ANKLE1: variants seen among roughly 807,000 people sequenced by gnomAD.
ANKLE1 encodes the protein ankyrin repeat and LEM domain containing 1, also known as structure-specific endonuclease ANKLE1.
ANKLE1 carries 59 observed loss-of-function variants against 56.2 expected under a neutral mutation model. The ratio of observed to expected loss-of-function variants is 1.05; its 90% CI spans 0.85 to 1.30. The LOEUF (loss-of-function observed/expected upper bound fraction) is 1.30. ANKLE1 is among the 50% of genes most tolerant of loss of function. The pLI, the probability that ANKLE1 is intolerant of heterozygous loss-of-function variation, is 0.00. For synonymous variants in ANKLE1, 341 were observed against 352.9 expected (o/e 0.97, Z 0.38); for missense variants, 771 against 816.1 (o/e 0.94, Z 0.67).
intron 8 of ANKLE1, 63 bp downstream of exon 8, chr19:17,285,882 T>C: frequency 1.3e-6 from 2 of 1,590,512 alleles, no homozygotes; most frequent in South Asian, 1.1e-5. Flanking sequence ...AGTTCCCTCA[T>C]TTTTTTCCTT....
intron 6 of ANKLE1, among the ~76,000 whole-genome samples, chr19:17,284,585 T>C (rs1306173884): frequency 2.6e-5 from 4 of 151,802 alleles, no homozygotes; most frequent in African/African-American, 7.3e-5. Flanking sequence ...GGTTTCACCA[T>C]GTTGGCCAGG....
chr19:17,285,725 G>A lies in ANKLE1; in HGVS notation c.1581G>A (p.Trp527Ter). 2 of 1,613,940 alleles carry A rather than the reference G, an allele frequency of 1.2e-6. No individual in the cohort carries two copies. The highest frequency in any genetic ancestry group is 1.7e-6 in the Non-Finnish European group (2 of 1,179,886). The change falls in exon 8 of 9, where the codon TGG becomes TGA. Residue 527 changes from tryptophan to a stop codon, truncating the protein, a stop_gained. Transcript: ENST00000404085. LOFTEE classifies it high-confidence loss of function. ...AGGTGCGTCAGATCTTGGACATCTG[G>A]GCCAGTGGTTGCGGTGTTGTGTCCC... ...CPKVRQILDI[W>*]ASGCGVVSLH...
Position 17,283,062 on chromosome 19 carries a change from G to T in ANKLE1, c.460+60G>T. On this transcript the variant is annotated intron_variant, in intron 4 of 8. Coordinates refer to ENST00000404085, the MANE Select transcript of ANKLE1 (RefSeq NM_152363.6). ...TTCTGGACCAGTCCCTGACATCCAGGGTCTTCCCCACCCCACCCATTGGTT... is the reference window on the plus strand; with the variant it reads ...TTCTGGACCAGTCCCTGACATCCAGTGTCTTCCCCACCCCACCCATTGGTT... 2.0e-6 allele frequency: 3 copies of T among 1,537,214 alleles called. No individual in the cohort carries two copies. The South Asian group carries it at 3.6e-5, about 18-fold the overall frequency.
Position 17,283,211 on chromosome 19 carries a change from A to G in ANKLE1, c.461-14A>G, listed in dbSNP as rs775221907. On this transcript the variant is annotated splice_polypyrimidine_tract_variant and intron_variant, in intron 4 of 8. Transcript: ENST00000404085. ...CCTCCTCCTCTCCTCTCTGGCCCCC[A>G]CTCTCACCTGCAGCCCCAGGCCTCT... is the stretch of plus-strand genomic sequence containing the variant. 3.6e-5 allele frequency: 57 copies of G among 1,595,088 alleles called. No homozygotes were observed. The Admixed American group carries it at 9.7e-4, about 27-fold the overall frequency.
At position 17,283,636 on chromosome 19, in the gene ANKLE1, C is replaced by T. The variant is rs766362256; in HGVS notation, c.872C>T (p.Ser291Phe). 1.9e-6 allele frequency: 3 copies of T among 1,612,816 alleles called. No individual in the cohort carries two copies. Among genetic ancestry groups the T allele is most frequent in the Non-Finnish European group, 2.5e-6 (3 of 1,179,408 alleles). Residue 291 changes from serine to phenylalanine, a missense_variant, in exon 5 of 9, where the codon TCC (serine) becomes TTC (phenylalanine). Physicochemically the swap from Ser to Phe is radical, Grantham distance 155. Coordinates refer to ENST00000404085, the MANE Select transcript of ANKLE1 (RefSeq NM_152363.6). The stretch of plus-strand genomic sequence containing the variant: ...CCAAATGCTGCTGGCTTCCAGTCCT[C>T]CCCTTCCTCCATGCCTCTCCTGGAC... ...TPPNAAGFQS[S>F]PSSMPLLDRS...
intron 6 of ANKLE1, among the ~76,000 whole-genome samples, chr19:17,284,798 G>A (rs1254822239): frequency 1.4e-5 from 2 of 144,242 alleles, no homozygotes; most frequent in African/African-American, 5.2e-5. Flanking sequence ...TGATTCTTGT[G>A]CCTCAGCCTC....
rs531719267 is a variant in ANKLE1, at chr19:17,284,616, T to C, written c.1376+350T>C. On this transcript the variant is annotated intron_variant, in intron 6 of 8. Coordinates refer to ENST00000404085, the MANE Select transcript of ANKLE1 (RefSeq NM_152363.6). ...CCAGGCTGGTCTCGAACTCCTGACC[T>C]CAGGTAATCCACCCACCCTGGCCTC... is the stretch of plus-strand genomic sequence containing the variant. Among the ~76,000 whole-genome samples the C allele has an allele frequency of 2.0e-5, 3 of 150,712 alleles. No homozygotes were observed. The South Asian group carries it at 6.3e-4, about 32-fold the overall frequency.
rs1169891361 is a variant in ANKLE1, at chr19:17,287,611, T to A, written c.*1059T>A. ...TGTCTATGGAGTAGCCATTCTTTTA[T>A]TCCTTTAGTTTCTTAATAAATTTGC... On this transcript the variant is annotated 3_prime_UTR_variant, in exon 9 of 9. Transcript: ENST00000404085. The A allele has an allele frequency of 1.3e-5, 2 of 151,950 alleles. No homozygotes were observed. The highest frequency in any genetic ancestry group is 2.9e-5 in the Non-Finnish European group (2 of 68,042). The allele number at this position is 151,950 out of a possible 1,614,324, so 9.4% of individuals were successfully genotyped here. A position where few individuals can be genotyped will look rare whatever the true frequency, so the allele number is the denominator to read the frequency against.
At position 17,282,980 on chromosome 19, in the gene ANKLE1, G is replaced by A; in HGVS notation, c.438G>A (p.Gln146=). 1 of 1,564,222 alleles carries A rather than the reference G, an allele frequency of 6.4e-7. No homozygotes were observed. Among genetic ancestry groups the A allele is most frequent in the Non-Finnish European group, 8.6e-7 (1 of 1,161,380 alleles). ...RTRTRIGAET[Q]EPEPAPGTPG... ...GGACCCGGATCGGGGCAGAGACTCA[G>A]GAGCCCGAGCCTGCACCTGGCAGTG... Residue 146 remains glutamine, a synonymous_variant, in exon 4 of 9, where the codon CAG becomes CAA. Transcript: ENST00000404085.
intron 8 of ANKLE1, 142 bp from the exon 9 acceptor site, chr19:17,286,238 C>G (rs939866708): frequency 9.5e-6 from 11 of 1,158,260 alleles, no homozygotes; most frequent in Non-Finnish European, 1.3e-5. Flanking sequence ...TGGTCTCGAA[C>G]TCCTGGCTTC....
chr19:17,283,501 C>T lies in ANKLE1; in HGVS notation c.737C>T (p.Pro246Leu), dbSNP rs762240287. ...CCCCCCTGGGCTGGGTCATTGCCACCGACCAGGCAGGGACTTCTGCATGTT... is the reference window on the plus strand; with the variant it reads ...CCCCCCTGGGCTGGGTCATTGCCACTGACCAGGCAGGGACTTCTGCATGTT... The part of the protein sequence containing the change: ...DTPPWAGSLP[P>L]TRQGLLHVVH... Residue 246 changes from proline to leucine, a missense_variant, in exon 5 of 9, where the codon CCG (proline) becomes CTG (leucine). Physicochemically the swap from Pro to Leu is moderately conservative, Grantham distance 98 (BLOSUM62 -3). Transcript: ENST00000404085. 12 of 1,612,926 alleles carry T rather than the reference C, an allele frequency of 7.4e-6. No homozygotes were observed. The Admixed American group carries it at 1.7e-4, about 22-fold the overall frequency.
chr19:17,282,607 C>T (rs2073984393), intron 2 of ANKLE1, 49 bp from the exon 3 acceptor site: 2 of 1,509,222 alleles, frequency 1.3e-6, no homozygotes, highest in Non-Finnish European at 1.8e-6. Flanking sequence ...ATCGGGGTTC[C>T]TGCCGGGAGG....
rs1288486398 is a variant in ANKLE1 at position 17,282,561 on chromosome 19, G to A, written c.216-95G>A. 3.2e-6 allele frequency: 4 copies of A among 1,261,566 alleles called. No individual in the cohort carries two copies. The African/African-American group carries it at 4.4e-5, about 14-fold the overall frequency. 78.1% of individuals were successfully genotyped at this position (1,261,566 alleles called of 1,614,324 possible). A position where few individuals can be genotyped will look rare whatever the true frequency, so the allele number is the denominator to read the frequency against. ...CAGGGTGGACGGCGGAGATCCGGGA[G>A]GCCGAGAACGAAGGCTCCAGGTCCC... On this transcript the variant is annotated intron_variant, in intron 2 of 8. Coordinates refer to ENST00000404085, the MANE Select transcript of ANKLE1 (RefSeq NM_152363.6).
chr19:17,283,013 C>T lies in ANKLE1; in HGVS notation c.460+11C>T, dbSNP rs763706197. 4 of 1,555,306 alleles carry T rather than the reference C, an allele frequency of 2.6e-6. No homozygotes were observed. Among genetic ancestry groups the T allele is most frequent in the Non-Finnish European group, 3.5e-6 (4 of 1,156,904 alleles). On this transcript the variant is annotated intron_variant, in intron 4 of 8. Transcript: ENST00000404085. ...AGCCTGCACCTGGCAGTGAGTAGGG[C>T]CTGCAGGGCTGCTGGGGCTTGACTT...
rs1247809250 is a variant in ANKLE1, at chr19:17,281,968, G to A, written c.48G>A (p.Arg16=). The A allele has an allele frequency of 2.0e-6, 3 of 1,534,338 alleles. No homozygotes were observed. The highest frequency in any genetic ancestry group is 2.4e-5 in the South Asian group (2 of 83,858). The change falls in exon 1 of 9, where the codon CGG becomes CGA. Residue 16 remains arginine (R), a synonymous_variant. Coordinates refer to ENST00000404085, the MANE Select transcript of ANKLE1 (RefSeq NM_152363.6). ...CTCGCAGGTTGCGGGATGCGCTGCG[G>A]GAGGAGGAGCCGTGGTGAGGGCGGG... is the stretch of plus-strand genomic sequence containing the variant. ...RLARRLRDAL[R]EEEPWAVEEL...
At position 17,282,359 on chromosome 19, in the gene ANKLE1, G is replaced by A. The variant is rs1286259176; in HGVS notation, c.215+150G>A. On this transcript the variant is annotated intron_variant, in intron 2 of 8. Transcript: ENST00000404085. ...GAGGGAACTTGGGGGTCCAAGGGCA[G>A]GGGCTAGGGCTCGAGGGAGGCGCTG... 4.8e-6 allele frequency: 6 copies of A among 1,252,544 alleles called. 1 individual carries two copies. The highest frequency in any genetic ancestry group is 2.8e-4 in the Middle Eastern group (1 of 3,578). 77.6% of individuals were successfully genotyped at this position (1,252,544 alleles called of 1,614,324 possible). A position where few individuals can be genotyped will look rare whatever the true frequency, so the allele number is the denominator to read the frequency against.
Position 17,286,687 on chromosome 19 carries a change from TGTGTTTG to T in ANKLE1, c.*136_*142del. The T allele has an allele frequency of 4.4e-5, 24 of 543,248 alleles. No homozygotes were observed. Among genetic ancestry groups the T allele is most frequent in the East Asian group, 2.4e-4 (6 of 25,084 alleles). The allele number at this position is 543,248 out of a possible 1,614,324, so 33.7% of individuals were successfully genotyped here. A position where few individuals can be genotyped will look rare whatever the true frequency, so the allele number is the denominator to read the frequency against. On this transcript the variant is annotated 3_prime_UTR_variant, in exon 9 of 9. Transcript: ENST00000404085. ...GTGTGTGTGTGTGTGTGTGTGTGTG[TGTGTTTG>T]TGTGTGTGTGTGTGTGTGTAGGGAG...
rs1267882086 is a variant in ANKLE1 at position 17,287,589 on chromosome 19, C to T, written c.*1037C>T. ...TGGGCAACCAGCAGCCCTGCCCTGT[C>T]TATGGAGTAGCCATTCTTTTATTCC... On this transcript the variant is annotated 3_prime_UTR_variant, in exon 9 of 9. Coordinates refer to ENST00000404085, the MANE Select transcript of ANKLE1 (RefSeq NM_152363.6). 1 of 152,012 alleles carries T rather than the reference C, an allele frequency of 6.6e-6. No individual in the cohort carries two copies. Among genetic ancestry groups the T allele is most frequent in the Admixed American group, 6.6e-5 (1 of 15,266 alleles). The allele number at this position is 152,012 out of a possible 1,614,324, so 9.4% of individuals were successfully genotyped here. A position where few individuals can be genotyped will look rare whatever the true frequency, so the allele number is the denominator to read the frequency against.
At position 17,286,666 on chromosome 19, in the gene ANKLE1, G is replaced by T. The variant is rs971741411; in HGVS notation, c.*114G>T. ...AGAAGGGGTGTGTGTGTGTGTGTGT[G>T]TGTGTGTGTGTGTGTGTGTGTGTGT... is the stretch of plus-strand genomic sequence containing the variant. On this transcript the variant is annotated 3_prime_UTR_variant, in exon 9 of 9. Coordinates refer to ENST00000404085, the MANE Select transcript of ANKLE1 (RefSeq NM_152363.6). The T allele has an allele frequency of 1.1e-3, 927 of 842,134 alleles. 1 individual carries two copies. Among genetic ancestry groups the T allele is most frequent in the African/African-American group, 6.2e-3 (293 of 47,324 alleles). The allele number at this position is 842,134 out of a possible 1,614,324, so 52.2% of individuals were successfully genotyped here.
Sources: allele counts gnomAD v4.1 joint callset (sites outside exome capture counted in the v4.1 genomes callset), GRCh38; gene constraint gnomAD v4.1.1; transcripts MANE v1.5; gene names NCBI Gene and HGNC (gene_info 2026-07-23, HGNC 2026-07-21).